Variants in AHCTF1 observed in about 807,000 individuals in gnomAD.
AHCTF1 encodes AT-hook containing transcription factor 1.
In AHCTF1, 24 loss-of-function variants were observed where a neutral mutation model predicts 248.4. The ratio of observed to expected loss-of-function variants is 0.10; its 90% CI spans 0.07 to 0.14. The LOEUF (loss-of-function observed/expected upper bound fraction) is 0.14, where lower values mean the gene tolerates loss of function less well. Ranked by LOEUF, AHCTF1 falls within the 10% of genes least tolerant of loss-of-function variation. The pLI, the probability that AHCTF1 is intolerant of heterozygous loss-of-function variation, is 1.00. For synonymous variants in AHCTF1, 786 were observed against 929.8 expected, an observed-to-expected ratio of 0.85 and a Z score of 2.81; for missense variants, 2,206 against 2,636.2, an observed-to-expected ratio of 0.84 and a Z score of 3.57.
chr1:246,929,362 T>C (rs1667164676), intron 1 of AHCTF1, among the ~76,000 whole-genome samples: 1 of 151,956 alleles, frequency 6.6e-6, no homozygotes, highest in South Asian at 2.1e-4. Context: ...TGAGCCAAGA[T>C]CACGCCATTG....
At chr1:246,868,841 T>G (rs1443437319) in intron 24 of AHCTF1, among the ~76,000 whole-genome samples, 1 of 105,882 alleles carries the variant, frequency 9.4e-6, no homozygotes, top group African/African-American at 5.3e-5. Flanking sequence ...GTGTGTGTGT[T>G]TTTTGTTTTT....
chr1:246,841,001 G>GAA lies in AHCTF1; in HGVS notation c.6609-5_6609-4dup, dbSNP rs201321125. The GAA allele has an allele frequency of 1.7e-5, 26 of 1,568,660 alleles. No individual in the cohort carries two copies. The African/African-American group carries it at 3.1e-4, about 19-fold the overall frequency. ...AAGCACTTTCTTTTTCTGTGTTTCT[G>GAA]AAAAAAAAAGATATGATCAAGTAAG... On this transcript the variant is annotated splice_polypyrimidine_tract_variant and splice_region_variant and intron_variant, in intron 35 of 35. Transcript: ENST00000648844.
chr1:246,895,802 T>A, intron 13 of AHCTF1, 33 bp downstream of exon 13: 1 of 1,522,102 alleles, frequency 6.6e-7, no homozygotes, highest in Non-Finnish European at 9.0e-7. Flanking sequence ...ACTTTAAAAA[T>A]ACCAAACATT....
In AHCTF1 at chr1:246,931,914, C is replaced by A. The variant is rs566179074; in HGVS notation, c.-344G>T. The A allele has an allele frequency of 3.3e-5, 5 of 152,832 alleles. No homozygotes were observed. The East Asian group carries it at 5.8e-4, about 18-fold the overall frequency. 9.5% of individuals were successfully genotyped at this position (152,832 alleles called of 1,614,324 possible). ...GCCTGCTCGCCTCGGACAGCGCCGGCCCCGCTCTGCGCATTACCCTGCGCC... is the reference window on the plus strand; with the variant it reads ...GCCTGCTCGCCTCGGACAGCGCCGGACCCGCTCTGCGCATTACCCTGCGCC... On this transcript the variant is annotated 5_prime_UTR_variant, in exon 1 of 36. Transcript: ENST00000648844.
At chr1:246,926,780 C>T (rs948712066) in intron 1 of AHCTF1, among the ~76,000 whole-genome samples, 52 of 152,134 alleles carry the variant, frequency 3.4e-4, no homozygotes, top group African/African-American at 1.2e-3. Context: ...CACTTGAACC[C>T]GGGAGGCGGA....
At chr1:246,852,204 A>G (rs1660758728) in intron 32 of AHCTF1, among the ~76,000 whole-genome samples, 1 of 152,178 alleles carries the variant, frequency 6.6e-6, no homozygotes, top group East Asian at 1.9e-4. Context: ...TAGGATTCCC[A>G]CTTACACCAT....
chr1:246,853,976 A>G (rs1660911807), intron 31 of AHCTF1, among the ~76,000 whole-genome samples: 1 of 152,202 alleles, frequency 6.6e-6, no homozygotes, highest in Admixed American at 6.5e-5. Flanking sequence ...TAAAAGTAGT[A>G]TACAAACTTT....
At chr1:246,911,001 T>C (rs1183933135) in intron 4 of AHCTF1, among the ~76,000 whole-genome samples, 1 of 152,236 alleles carries the variant, frequency 6.6e-6, no homozygotes, top group Non-Finnish European at 1.5e-5. Context: ...TAATCATAAA[T>C]TACTTTTGTA....
In AHCTF1 at chr1:246,853,170, C is replaced by A. The variant is rs752906596; in HGVS notation, c.4484G>T (p.Gly1495Val). Residue 1495 changes from glycine (G) to valine (V), a missense_variant, in exon 32 of 36, where the codon GGT becomes GTT. Around this residue, in one of 6 missense-constraint regions of AHCTF1, gnomAD observed 955 missense variants for 1,055.6 expected, o/e 0.90. Coordinates refer to ENST00000648844, the MANE Select transcript of AHCTF1 (RefSeq NM_001323342.2). ...TAAGTCAACACTTTCTTTTAGTACA[C>A]CAACTTCTACTTCATGATCTTCTTT... ...NLKEDHEVEVGVLKESVDLPE... is the reference protein window; with the variant it reads ...NLKEDHEVEVVVLKESVDLPE... 8.7e-6 allele frequency: 14 copies of A among 1,612,892 alleles called. No homozygotes were observed. Among genetic ancestry groups the A allele is most frequent in the Non-Finnish European group, 9.3e-6 (11 of 1,179,348 alleles).
intron 30 of AHCTF1, 42 bp from the exon 31 acceptor site, chr1:246,855,869 C>T: frequency 6.7e-7 from 1 of 1,497,422 alleles, no homozygotes; most frequent in Non-Finnish European, 9.2e-7. Context: ...TAAGAAGATC[C>T]CATCTGCTTT....
Position 246,894,614 on chromosome 1 carries a change from T to C in AHCTF1, c.1804+45A>G, listed in dbSNP as rs765401686. 3 of 1,450,612 alleles carry C rather than the reference T, an allele frequency of 2.1e-6. No individual in the cohort carries two copies. The South Asian group carries it at 3.5e-5, about 17-fold the overall frequency. 89.9% of individuals were successfully genotyped at this position (1,450,612 alleles called of 1,614,324 possible). On this transcript the variant is annotated intron_variant, in intron 14 of 35. Coordinates refer to ENST00000648844, the MANE Select transcript of AHCTF1 (RefSeq NM_001323342.2). ...CTTAAGACATAAACCAAGGTTAGTATTTTAATATTAAATTCTGTCCTACAT... is the reference window on the plus strand; with the variant it reads ...CTTAAGACATAAACCAAGGTTAGTACTTTAATATTAAATTCTGTCCTACAT...
At position 246,851,045 on chromosome 1, in the gene AHCTF1, A is replaced by G. The variant is rs753694936; in HGVS notation, c.4961T>C (p.Val1654Ala). Residue 1654 changes from valine (V) to alanine (A), a missense_variant, in exon 33 of 36, where the codon GTA becomes GCA. Val to Ala is a moderately conservative substitution (Grantham distance 64). Coordinates refer to ENST00000648844, the MANE Select transcript of AHCTF1 (RefSeq NM_001323342.2). ...AVTSDQKSQK[V>A]DTLPYVPEPI... ...TTCAGGCACATATGGTAAAGTGTCT[A>G]CTTTTTGGGACTTTTGGTCACTAGT... 1.9e-6 allele frequency: 3 copies of G among 1,613,942 alleles called. No homozygotes were observed. In the South Asian group the frequency reaches 3.3e-5, roughly 18 times the overall value.
intron 35 of AHCTF1, 78 bp downstream of exon 35, chr1:246,842,616 A>G (rs1428489250): frequency 1.3e-5 from 14 of 1,045,802 alleles, no homozygotes; most frequent in Admixed American, 2.8e-5. Context: ...AAAATAATAA[A>G]AGGAGGATAG....
In AHCTF1 at chr1:246,884,068, G is replaced by GA. The variant is rs199870359; in HGVS notation, c.2660+1424dup. Among the ~76,000 whole-genome samples, 592 of 151,364 alleles carry GA rather than the reference G, an allele frequency of 3.9e-3. 6 individuals carry two copies. The highest frequency in any genetic ancestry group is 0.014 in the African/African-American group (559 of 41,330). ...TAAACAGTGAGAGGTACATGCAAAT[G>GA]AAAAAAAAATTTATATGCTGGTTTC... On this transcript the variant is annotated intron_variant, in intron 21 of 35. Coordinates refer to ENST00000648844, the MANE Select transcript of AHCTF1 (RefSeq NM_001323342.2).
chr1:246,894,013 A>G (rs988730202), intron 14 of AHCTF1, among the ~76,000 whole-genome samples: 1 of 152,024 alleles, frequency 6.6e-6, no homozygotes, highest in Non-Finnish European at 1.5e-5. Context: ...AGACCAGCCT[A>G]GGCAATATAG....
At chr1:246,869,111 TG>T (rs200042860) in intron 24 of AHCTF1, among the ~76,000 whole-genome samples, 1 of 151,636 alleles carries the variant, frequency 6.6e-6, no homozygotes, top group Admixed American at 6.6e-5. Flanking sequence ...CCCAAAGTGC[TG>T]GATTACAGGC....
At chr1:246,889,184 A>C (rs1664037050) in intron 17 of AHCTF1, among the ~76,000 whole-genome samples, 1 of 152,198 alleles carries the variant, frequency 6.6e-6, no homozygotes, top group African/African-American at 2.4e-5. Flanking sequence ...TTAGTCTTTT[A>C]TCCTCAGTGA....
At chr1:246,863,229 G>C (rs560680848) in intron 27 of AHCTF1, among the ~76,000 whole-genome samples, 1 of 151,962 alleles carries the variant, frequency 6.6e-6, no homozygotes, top group African/African-American at 2.4e-5. Context: ...TATTCAACTT[G>C]AAAAATAAGG....
chr1:246,919,703 C>CAAA (rs11396118), intron 1 of AHCTF1, among the ~76,000 whole-genome samples: 15 of 137,724 alleles, frequency 1.1e-4, no homozygotes, highest in African/African-American at 3.2e-4. Context: ...GACTCCATCT[C>CAAA]AAAAAAAAAA....
Sources: allele counts gnomAD v4.1 joint callset (sites outside exome capture counted in the v4.1 genomes callset), GRCh38; gene constraint gnomAD v4.1.1; regional missense constraint gnomAD v4.1.1; transcripts MANE v1.5; gene names NCBI Gene and HGNC (gene_info 2026-07-23, HGNC 2026-07-21).